Variants in APC2 observed in about 807,000 individuals in gnomAD.
APC2 encodes APC regulator of Wnt signaling pathway 2.
In APC2, 41 loss-of-function variants were observed where a neutral mutation model predicts 72.5. The observed-to-expected ratio is 0.57, with a 90% CI of 0.44 to 0.73. APC2 has a LOEUF of 0.73. Ranked by LOEUF, APC2 falls within the 30% of genes least tolerant of loss-of-function variation. APC2 has a pLI of 0.00. For synonymous variants in APC2, 1,898 were observed against 1,612.0 expected, an observed-to-expected ratio of 1.18 and a Z score of -4.25; for missense variants, 3,729 against 3,403.4, an observed-to-expected ratio of 1.10 and a Z score of -2.38.
intron 4 of APC2, among the ~76,000 whole-genome samples, chr19:1,454,340 G>T (rs370036659): frequency 5.3e-5 from 8 of 149,596 alleles, no homozygotes; most frequent in Non-Finnish European, 8.9e-5. Flanking sequence ...TCAAGGAGGA[G>T]AATTTCCAAA....
In APC2 at chr19:1,467,005, G is replaced by A. The variant is rs1174293697; in HGVS notation, c.3704G>A (p.Ser1235Asn). ...ACCCAGTTCAGCCTGCAGTGGGAGA[G>A]CTACGTGAAGCGCTTCCTGGACATC... ...EATQFSLQWE[S>N]YVKRFLDIAD... Residue 1235 changes from serine (S) to asparagine (N), a missense_variant, in exon 15 of 15, where the codon AGC (serine) becomes AAC (asparagine). Transcript: ENST00000590469. 1 of 1,609,894 alleles carries A rather than the reference G, an allele frequency of 6.2e-7. No individual in the cohort carries two copies.
intron 8 of APC2, 143 bp from the exon 9 acceptor site, chr19:1,456,710 C>A: frequency 8.9e-7 from 1 of 1,119,704 alleles, no homozygotes; most frequent in Non-Finnish European, 1.2e-6. Flanking sequence ...ACGTGTGCAG[C>A]CTCCTAGCGT....
chr19:1,454,597 T>C (rs1327739299), intron 4 of APC2, among the ~76,000 whole-genome samples: 2 of 141,532 alleles, frequency 1.4e-5, no homozygotes, highest in Non-Finnish European at 3.0e-5. Context: ...GGAGTCTCGC[T>C]CTGTCGCCCA....
chr19:1,450,686 C>A (rs1416851211), intron 1 of APC2, among the ~76,000 whole-genome samples: 3 of 152,224 alleles, frequency 2.0e-5, no homozygotes, highest in Non-Finnish European at 4.4e-5. Context: ...AGAAAGGCCC[C>A]TTTGGGCCTG....
At position 1,469,051 on chromosome 19, in the gene APC2, T is replaced by C. The variant is rs2084082583; in HGVS notation, c.5750T>C (p.Leu1917Pro). 6 of 1,536,556 alleles carry C rather than the reference T, an allele frequency of 3.9e-6. No individual in the cohort carries two copies. Among genetic ancestry groups the C allele is most frequent in the South Asian group, 3.7e-5 (3 of 82,050 alleles). Residue 1917 changes from leucine to proline, a missense_variant, in exon 15 of 15, where the codon CTG (leucine) becomes CCG (proline). Transcript: ENST00000590469. ...CCCAAAACGCCGGCGCGCACCCTTC[T>C]GGCGAAGCAGCACAAGACGCAGAGA... ...PVPKTPARTLLAKQHKTQRSP... is the reference protein window; with the variant it reads ...PVPKTPARTLPAKQHKTQRSP...
rs752007377 is a variant in APC2 at position 1,462,158 on chromosome 19, G to A, written c.1834G>A (p.Ala612Thr). Residue 612 changes from alanine (A) to threonine (T), a missense_variant, in exon 14 of 15, where the codon GCC becomes ACC. By Grantham distance (58) the Ala-to-Thr change is moderately conservative (BLOSUM62 0). Coordinates refer to ENST00000590469, the MANE Select transcript of APC2 (RefSeq NM_005883.3). ...CCTCCGCAATGTGTCCAGCCTCGTC[G>A]CCACCCGTGAGGACTACAGGTCGGC... is the stretch of plus-strand genomic sequence containing the variant. ...GILRNVSSLV[A>T]TREDYRQVLR... The A allele has an allele frequency of 9.4e-6, 15 of 1,603,254 alleles. No homozygotes were observed. Among genetic ancestry groups the A allele is most frequent in the African/African-American group, 2.7e-5 (2 of 74,656 alleles).
rs1033199910 is a variant in APC2, at chr19:1,470,651, G to T, written c.*438G>T. 1.2e-5 allele frequency: 2 copies of T among 164,920 alleles called. No homozygotes were observed. Among genetic ancestry groups the T allele is most frequent in the South Asian group, 3.8e-4 (2 of 5,286 alleles). The allele number at this position is 164,920 out of a possible 1,614,324, so 10.2% of individuals were successfully genotyped here. A position where few individuals can be genotyped will look rare whatever the true frequency, so the allele number is the denominator to read the frequency against. On this transcript the variant is annotated 3_prime_UTR_variant, in exon 15 of 15. Transcript: ENST00000590469. ...AGGTGGGGCGAGGCTGGGGGAGGGC[G>T]GCGCCGCGGCGGGCCTGCCAGCTGG...
chr19:1,456,944 AGAGCTGCGTGGCCATGCGCCGCTCGG>A lies in APC2; in HGVS notation c.910_935del (p.Ser304LeufsTer112). 6.4e-7 allele frequency: 1 copy of A among 1,553,656 alleles called. No individual in the cohort carries two copies. Among genetic ancestry groups the A allele is most frequent in the Non-Finnish European group, 8.6e-7 (1 of 1,157,420 alleles). On this transcript the variant is annotated frameshift_variant, in exon 9 of 15. Transcript: ENST00000590469. LOFTEE classifies it high-confidence loss of function. Reference sequence around the variant, plus strand: ...CTGCTGGCCATGTCCAGCTCGCCCGAGAGCTGCGTGGCCATGCGCCGCTCGGGCTGTCTGCCTCTGCTGCTGCAAAT... The same window carrying A: ...CTGCTGGCCATGTCCAGCTCGCCCGAGCTGTCTGCCTCTGCTGCTGCAAAT...
chr19:1,458,165 G>A, intron 10 of APC2, 105 bp downstream of exon 10: 1 of 1,071,640 alleles, frequency 9.3e-7, no homozygotes, highest in Non-Finnish European at 1.4e-6. Flanking sequence ...GCTTGGGCTG[G>A]GGATTGGAGC....
chr19:1,451,066 C>T (rs1467460955), intron 1 of APC2, among the ~76,000 whole-genome samples: 1 of 152,166 alleles, frequency 6.6e-6, no homozygotes, highest in Non-Finnish European at 1.5e-5. Flanking sequence ...TTAAAGCTCC[C>T]TCTGGCTGTG....
Position 1,457,034 on chromosome 19 carries a change from G to A in APC2, c.998G>A (p.Gly333Glu). 1 of 1,520,704 alleles carries A rather than the reference G, an allele frequency of 6.6e-7. No homozygotes were observed. 94.2% of individuals were successfully genotyped at this position (1,520,704 alleles called of 1,614,324 possible). The change falls in exon 9 of 15, where the codon GGG (glycine) becomes GAG (glutamate). Residue 333 changes from glycine (G) to glutamate (E), a missense_variant. Physicochemically the swap from Gly to Glu is moderately conservative, Grantham distance 98. Coordinates refer to ENST00000590469, the MANE Select transcript of APC2 (RefSeq NM_005883.3). ...GAGGCCGCGGCCGGGGGTCGCGCCG[G>A]GGCCCCAGGGGCACCGGGCGCCAAG... The part of the protein sequence containing the change: ...GTEAAAGGRA[G>E]APGAPGAKDA...
chr19:1,468,769 T>C lies in APC2; in HGVS notation c.5468T>C (p.Leu1823Pro). 1.3e-6 allele frequency: 2 copies of C among 1,505,102 alleles called. No individual in the cohort carries two copies. Among genetic ancestry groups the C allele is most frequent in the Non-Finnish European group, 1.8e-6 (2 of 1,127,280 alleles). The allele number at this position is 1,505,102 out of a possible 1,614,324, so 93.2% of individuals were successfully genotyped here. ...CCGCGGAAGGTGGCGCCCCCTTGCC[T>C]GGCACAGCCCGCGGCTCCAGCCAAA... The part of the protein sequence containing the change: ...ATPRKVAPPC[L>P]AQPAAPAKVP... Residue 1823 changes from leucine (L) to proline (P), a missense_variant, in exon 15 of 15, where the codon CTG becomes CCG. Transcript: ENST00000590469.
chr19:1,468,284 C>A lies in APC2; in HGVS notation c.4983C>A (p.Pro1661=). ...KPRATRLDER[P]AEGSRERGEE... is the part of the protein sequence containing the mutation. ...GAGCCACCCGGCTGGATGAGCGGCCCGCAGAGGGGTCCCGGGAACGCGGCG... is the reference window on the plus strand; with the variant it reads ...GAGCCACCCGGCTGGATGAGCGGCCAGCAGAGGGGTCCCGGGAACGCGGCG... The change falls in exon 15 of 15, where the codon CCC becomes CCA. Residue 1661 remains proline, a synonymous_variant. Transcript: ENST00000590469. 1 of 1,537,288 alleles carries A rather than the reference C, an allele frequency of 6.5e-7. No individual in the cohort carries two copies. The highest frequency in any genetic ancestry group is 1.2e-5 in the South Asian group (1 of 82,854).
At chr19:1,448,851 A>C (rs1253818875), upstream of APC2, among the ~76,000 whole-genome samples, 2 of 149,176 alleles carry the variant, frequency 1.3e-5, no homozygotes, top group African/African-American at 5.1e-5. Context: ...CTCAAAAAAA[A>C]AAAAAAGAAA....
Position 1,468,964 on chromosome 19 carries a change from G to A in APC2, c.5663G>A (p.Arg1888Lys). The A allele has an allele frequency of 6.4e-7, 1 of 1,556,726 alleles. No individual in the cohort carries two copies. Residue 1888 changes from arginine to lysine, a missense_variant, in exon 15 of 15, where the codon AGA becomes AAA. Coordinates refer to ENST00000590469, the MANE Select transcript of APC2 (RefSeq NM_005883.3). ...QTSPASQPLP[R>K]KRPPVTQAAG... ...TCGCCCGCCTCCCAGCCCCTGCCCA[G>A]AAAGCGCCCCCCGGTCACCCAGGCT... is the stretch of plus-strand genomic sequence containing the variant.
Position 1,470,350 on chromosome 19 carries a change from C to G in APC2, c.*137C>G. 1 of 1,235,860 alleles carries G rather than the reference C, an allele frequency of 8.1e-7. No homozygotes were observed. The highest frequency in any genetic ancestry group is 1.1e-6 in the Non-Finnish European group (1 of 935,058). The allele number at this position is 1,235,860 out of a possible 1,614,324, so 76.6% of individuals were successfully genotyped here. The stretch of plus-strand genomic sequence containing the variant: ...CACCCGAGCCCCACCACTCTCAGAA[C>G]CCCCGCCCAGCGCACGGCGACCTCG... On this transcript the variant is annotated 3_prime_UTR_variant, in exon 15 of 15. Coordinates refer to ENST00000590469, the MANE Select transcript of APC2 (RefSeq NM_005883.3).
At position 1,457,420 on chromosome 19, in the gene APC2, A is replaced by G. The variant is rs981722571; in HGVS notation, c.1207+177A>G. Reference sequence around the variant, plus strand: ...TTTGACGTTGGGAAAAGACCCGCCCATGATCGTACCTGGCGCAGAGTAAAC... The same window carrying G: ...TTTGACGTTGGGAAAAGACCCGCCCGTGATCGTACCTGGCGCAGAGTAAAC... On this transcript the variant is annotated intron_variant, in intron 9 of 14. Transcript: ENST00000590469. 1.8e-5 allele frequency: 16 copies of G among 902,520 alleles called. No individual in the cohort carries two copies. In the African/African-American group the frequency reaches 1.9e-4, roughly 11 times the overall value. 55.9% of individuals were successfully genotyped at this position (902,520 alleles called of 1,614,324 possible).
At chr19:1,458,752 T>C (rs1050797040) in intron 10 of APC2, among the ~76,000 whole-genome samples, 8 of 152,002 alleles carry the variant, frequency 5.3e-5, no homozygotes, top group Non-Finnish European at 1.2e-4. Context: ...AGTCTCACTC[T>C]GTTGCCCAGG....
upstream of APC2, among the ~76,000 whole-genome samples, chr19:1,448,242 A>T (rs1396870448): frequency 6.6e-6 from 1 of 151,996 alleles, no homozygotes; most frequent in Admixed American, 6.6e-5. Flanking sequence ...CTCAGCCTGG[A>T]ACGCCTCTCC....
Sources: gnomAD v4.1 joint callset for allele counts (sites outside exome capture counted in the v4.1 genomes callset) on GRCh38, gnomAD v4.1.1 for gene constraint, MANE v1.5 for transcripts, NCBI Gene and HGNC (gene_info 2026-07-23, HGNC 2026-07-21) for gene names.